GPRC5C: variants seen among roughly 807,000 people sequenced by gnomAD.
GPRC5C encodes the protein G protein-coupled receptor class C group 5 member C, also known as G protein-coupled receptor family C group 5 member C.
In GPRC5C, 22 loss-of-function variants were observed where a neutral mutation model predicts 31.4. The observed-to-expected ratio is 0.70, with a 90% CI of 0.50 to 1.00. GPRC5C has a LOEUF of 1.00. Ranked by LOEUF, GPRC5C falls within the 50% of genes least tolerant of loss-of-function variation. The pLI, the probability that GPRC5C is intolerant of heterozygous loss-of-function variation, is 0.00. For synonymous variants in GPRC5C, 249 were observed against 257.5 expected (o/e 0.97, Z 0.32); for missense variants, 557 against 597.2 (o/e 0.93, Z 0.70).
Position 74,440,864 on chromosome 17 carries a change from C to T in GPRC5C, c.1051+37C>T. The T allele has an allele frequency of 7.0e-7, 1 of 1,438,068 alleles. No homozygotes were observed. The highest frequency in any genetic ancestry group is 9.2e-7 in the Non-Finnish European group (1 of 1,089,134). The allele number at this position is 1,438,068 out of a possible 1,614,324, so 89.1% of individuals were successfully genotyped here. On this transcript the variant is annotated intron_variant, in intron 2 of 3. Transcript: ENST00000392627. The surrounding 1 kb of genome is among the most constrained non-coding windows in gnomAD (Gnocchi z 4.4). ...TGGATGCCCCCAGTGGCCCCTTTCT[C>T]CATCCCATGTCTTTTACTGCAGGAC... is the stretch of plus-strand genomic sequence containing the variant.
At chr17:74,442,013 T>A (rs1250548372) in intron 2 of GPRC5C, among the ~76,000 whole-genome samples, 2 of 152,224 alleles carry the variant, frequency 1.3e-5, no homozygotes, top group Non-Finnish European at 2.9e-5. Context: ...TCTCTTTTTT[T>A]ATTTTTTGAG....
At chr17:74,432,454 C>T in intron 1 of GPRC5C, 1 of 1,087,720 alleles carries the variant, frequency 9.2e-7, no homozygotes, top group Non-Finnish European at 1.1e-6. Flanking sequence ...CCCACCCCCG[C>T]CCGCCCCCCG....
At chr17:74,441,966 T>G (rs1198826019) in intron 2 of GPRC5C, among the ~76,000 whole-genome samples, 4 of 152,244 alleles carry the variant, frequency 2.6e-5, no homozygotes, top group Non-Finnish European at 1.5e-5. Flanking sequence ...ATCACCTTAG[T>G]TTTCTTTAAA....
chr17:74,443,932 C>G lies in GPRC5C; in HGVS notation c.1146+20C>G. 1 of 1,505,836 alleles carries G rather than the reference C, an allele frequency of 6.6e-7. No individual in the cohort carries two copies. The highest frequency in any genetic ancestry group is 9.2e-7 in the Non-Finnish European group (1 of 1,081,774). The allele number at this position is 1,505,836 out of a possible 1,614,324, so 93.3% of individuals were successfully genotyped here. ...GTTCCGGTAAGTGGGTTCCCCAGGT[C>G]CCCGTGACACGTCTGGGCTACAGAG... On this transcript the variant is annotated intron_variant, in intron 3 of 3. Transcript: ENST00000392627.
chr17:74,445,991 C>CT (rs1555634019), intron 3 of GPRC5C: 1 of 56,202 alleles, frequency 1.8e-5, no homozygotes, highest in African/African-American at 9.6e-5. Context: ...AGACCCCCCC[C>CT]CCCCGCCCAC....
chr17:74,441,620 T>C (rs1402674179), intron 2 of GPRC5C, among the ~76,000 whole-genome samples: 1 of 152,162 alleles, frequency 6.6e-6, no homozygotes, highest in Admixed American at 6.5e-5. Flanking sequence ...CCTAGGAGTT[T>C]GAGACCGGCC....
chr17:74,450,089 C>G (rs1004404178), downstream of GPRC5C: 3 of 152,526 alleles, frequency 2.0e-5, no homozygotes, highest in African/African-American at 7.2e-5. Context: ...TGCCTGCACT[C>G]TGCCCGCAGT....
Position 74,446,942 on chromosome 17 carries a change from T to C in GPRC5C, c.1240T>C (p.Tyr414His), listed in dbSNP as rs781388613. 1.9e-6 allele frequency: 3 copies of C among 1,614,156 alleles called. No individual in the cohort carries two copies. Among genetic ancestry groups the C allele is most frequent in the Non-Finnish European group, 2.5e-6 (3 of 1,180,000 alleles). The change falls in exon 4 of 4, where the codon TAC (tyrosine) becomes CAC (histidine). Residue 414 changes from tyrosine (Y) to histidine (H), a missense_variant. Tyr to His is a moderately conservative substitution (Grantham distance 83, BLOSUM62 2). Transcript: ENST00000392627. ...CTCGACCCTGCGGGCTGAAGACATGTACTCGGCCCAGAGCCACCAGGCGGC... is the reference window on the plus strand; with the variant it reads ...CTCGACCCTGCGGGCTGAAGACATGCACTCGGCCCAGAGCCACCAGGCGGC... ...ANSTLRAEDM[Y>H]SAQSHQAATP...
At chr17:74,433,244 C>T (rs966023723) in intron 1 of GPRC5C, among the ~76,000 whole-genome samples, 1 of 150,812 alleles carries the variant, frequency 6.6e-6, no homozygotes, top group African/African-American at 2.5e-5. Context: ...GCCGGCCCCC[C>T]ACCCCTGTGC....
chr17:74,437,554 C>T (rs1382895143), intron 1 of GPRC5C, among the ~76,000 whole-genome samples: 6 of 150,942 alleles, frequency 4.0e-5, no homozygotes, highest in Non-Finnish European at 8.8e-5. Flanking sequence ...TTTATTGTGT[C>T]CATTTCACTT....
chr17:74,441,167 C>T (rs1598431067), intron 2 of GPRC5C, among the ~76,000 whole-genome samples: 1 of 151,958 alleles, frequency 6.6e-6, no homozygotes, highest in Non-Finnish European at 1.5e-5. Context: ...ATCTCAGCTA[C>T]TCGGGAGGCT....
intron 3 of GPRC5C, chr17:74,445,991 C>CA (rs1555634019): frequency 1.8e-5 from 1 of 56,202 alleles, no homozygotes; most frequent in Non-Finnish European, 3.0e-5. Context: ...AGACCCCCCC[C>CA]CCCCGCCCAC....
intron 1 of GPRC5C, among the ~76,000 whole-genome samples, chr17:74,437,416 T>C (rs2055448384): frequency 1.3e-5 from 2 of 152,296 alleles, no homozygotes. Flanking sequence ...TTACATGAGA[T>C]AGTTAATTTT....
At chr17:74,448,058 C>T (rs369577570), downstream of GPRC5C, among the ~76,000 whole-genome samples, 62 of 152,280 alleles carry the variant, frequency 4.1e-4, no homozygotes, top group African/African-American at 1.4e-3. Flanking sequence ...CCTGTAATTC[C>T]AGCACTTTGG....
At position 74,443,811 on chromosome 17, in the gene GPRC5C, C is replaced by A; in HGVS notation, c.1052-7C>A. 1.2e-6 allele frequency: 2 copies of A among 1,602,458 alleles called. No individual in the cohort carries two copies. Among genetic ancestry groups the A allele is most frequent in the Non-Finnish European group, 1.7e-6 (2 of 1,169,352 alleles). On this transcript the variant is annotated splice_region_variant and splice_polypyrimidine_tract_variant and intron_variant, in intron 2 of 3. Transcript: ENST00000392627. The stretch of plus-strand genomic sequence containing the variant: ...GATCTTCAAACTGTTCCTGCTTTTC[C>A]TTGTAGCTAAGAGGCCGGTGTCACC...
intron 3 of GPRC5C, chr17:74,445,608 T>G (rs192906786): frequency 6.6e-6 from 1 of 152,316 alleles, no homozygotes; most frequent in Non-Finnish European, 1.5e-5. Context: ...AGGGACCACA[T>G]GGACAGGGGC....
At chr17:74,433,121 G>C (rs1223674328) in intron 1 of GPRC5C, among the ~76,000 whole-genome samples, 4 of 152,046 alleles carry the variant, frequency 2.6e-5, no homozygotes, top group African/African-American at 9.7e-5. Context: ...CAGGCCCGCA[G>C]TGTTACACGC....
chr17:74,445,434 C>G (rs1204343636), intron 3 of GPRC5C: 2 of 153,068 alleles, frequency 1.3e-5, no homozygotes, highest in African/African-American at 4.8e-5. Context: ...CTGCATGGGG[C>G]CAGCTGTGTT....
chr17:74,437,446 GCTTAATTGAAAGATGAGGTAGC>G (rs967828354), intron 1 of GPRC5C, among the ~76,000 whole-genome samples: 1 of 152,276 alleles, frequency 6.6e-6, no homozygotes, highest in Admixed American at 6.5e-5. Flanking sequence ...TCTTAAGCAA[GCTTAATTGAAAGATGAGGTAGC>G]TGAGATGGCT....
Sources: gnomAD v4.1 joint callset for allele counts (sites outside exome capture counted in the v4.1 genomes callset) on GRCh38, gnomAD v4.1.1 for gene constraint, Gnocchi (gnomAD v3.1) non-coding constraint, MANE v1.5 for transcripts, NCBI Gene and HGNC (gene_info 2026-07-23, HGNC 2026-07-21) for gene names.